DOP1B: variants seen among roughly 807,000 people sequenced by gnomAD.
DOP1B encodes the protein DOP1 leucine zipper like protein B, also known as protein DOP1B.
A neutral mutation model predicts 233.5 loss-of-function variants in DOP1B; 174 were observed. That is an observed-to-expected ratio of 0.75 (90% CI 0.66 to 0.85). The LOEUF is 0.85. DOP1B is among the 40% of genes least tolerant of loss of function. The pLI, the probability that DOP1B is intolerant of heterozygous loss-of-function variation, is 0.00. For missense variants in DOP1B, 2,652 were observed against 2,846.6 expected (o/e 0.93, Z 1.56); for synonymous variants, 1,190 against 1,185.6 (o/e 1.00, Z -0.08).
rs746670698 is a variant in DOP1B, at chr21:36,208,761, G to A, written c.538G>A (p.Val180Met). The change falls in exon 5 of 37, where the codon GTG becomes ATG. Residue 180 changes from valine (V) to methionine (M), a missense_variant. Transcript: ENST00000691173. The part of the protein sequence containing the change: ...LRLSLVVGKE[V>M]FYTALWGSVL... The stretch of plus-strand genomic sequence containing the variant: ...ACTGTCGCTGGTGGTTGGCAAAGAG[G>A]TGTTTTACACCGCCCTCTGGGGGAG... The A allele has an allele frequency of 2.5e-6, 4 of 1,613,542 alleles. No individual in the cohort carries two copies. The highest frequency in any genetic ancestry group is 2.7e-5 in the African/African-American group (2 of 74,904).
intron 24 of DOP1B, among the ~76,000 whole-genome samples, chr21:36,262,799 G>A (rs986567397): frequency 6.6e-6 from 1 of 152,032 alleles, no homozygotes; most frequent in Non-Finnish European, 1.5e-5. Context: ...GCTGAAGAAC[G>A]AGAATCGCTT....
chr21:36,166,880 C>T (rs915850562), intron 2 of DOP1B, among the ~76,000 whole-genome samples: 2 of 152,206 alleles, frequency 1.3e-5, no homozygotes, highest in African/African-American at 4.8e-5. Flanking sequence ...TGGTCTTTTG[C>T]AAGGTATATT....
intron 27 of DOP1B, among the ~76,000 whole-genome samples, chr21:36,271,365 C>T (rs2067287614): frequency 6.6e-6 from 1 of 151,608 alleles, no homozygotes. Flanking sequence ...CCTCCGCCTC[C>T]CTGGTTCAAG....
At chr21:36,254,175 A>T (rs1273074685) in intron 23 of DOP1B, among the ~76,000 whole-genome samples, 3 of 152,072 alleles carry the variant, frequency 2.0e-5, no homozygotes, top group Non-Finnish European at 2.9e-5. Flanking sequence ...TGCCTGGTAC[A>T]TGGGTTAGCG....
At chr21:36,239,713 T>C in intron 17 of DOP1B, 52 bp from the exon 18 acceptor site, 1 of 1,479,484 alleles carries the variant, frequency 6.8e-7, no homozygotes, top group African/African-American at 1.4e-5. Flanking sequence ...CCACGGTGCC[T>C]GGCGCACAGG....
intron 18 of DOP1B, among the ~76,000 whole-genome samples, chr21:36,241,947 C>G (rs908160320): frequency 6.6e-6 from 1 of 151,648 alleles, no homozygotes; most frequent in Non-Finnish European, 1.5e-5. Flanking sequence ...CCTCTAACCT[C>G]TGGTTTTCCT....
chr21:36,231,199 G>C (rs1408664290), intron 14 of DOP1B, 65 bp downstream of exon 14: 3 of 1,511,828 alleles, frequency 2.0e-6, no homozygotes, highest in Non-Finnish European at 2.7e-6. Flanking sequence ...GACGTGGGTG[G>C]AATATCCCCT....
At chr21:36,269,779 T>C (rs2067266434) in intron 26 of DOP1B, among the ~76,000 whole-genome samples, 1 of 152,164 alleles carries the variant, frequency 6.6e-6, no homozygotes, top group Non-Finnish European at 1.5e-5. Flanking sequence ...TGCCTCAGCC[T>C]CAGCCTCCCA....
chr21:36,245,379 C>A lies in DOP1B; in HGVS notation c.3399C>A (p.His1133Gln), dbSNP rs374834380. 6.8e-6 allele frequency: 11 copies of A among 1,614,116 alleles called. No homozygotes were observed. In the Admixed American group the frequency reaches 1.8e-4, roughly 27 times the overall value. The change falls in exon 19 of 37, where the codon CAC becomes CAA. Residue 1133 changes from histidine (H) to glutamine (Q), a missense_variant. This residue lies in a region of DOP1B where 2,617 missense variants were observed against 2,794.3 expected (regional missense o/e 0.94). Coordinates refer to ENST00000691173, the MANE Select transcript of DOP1B (RefSeq NM_001320714.2). This position sits in a 1 kb window ranked among gnomAD's most constrained non-coding sequence, Gnocchi z 5.5. ...CGTCCTCCTTCTCCTCCCCTTCCCA[C>A]GACCTGCAGGAGCTGAGCAACGAAG... ...ENTSSFSSPS[H>Q]DLQELSNEEN... is the part of the protein sequence containing the mutation.
intron 17 of DOP1B, among the ~76,000 whole-genome samples, chr21:36,239,304 A>G (rs2066864780): frequency 6.6e-6 from 1 of 152,176 alleles, no homozygotes; most frequent in Admixed American, 6.5e-5. Context: ...GGGACTTTGC[A>G]GGGAGGTCAG....
At chr21:36,227,346 G>T (rs1351623376) in intron 12 of DOP1B, among the ~76,000 whole-genome samples, 1 of 151,824 alleles carries the variant, frequency 6.6e-6, no homozygotes, top group African/African-American at 2.4e-5. Flanking sequence ...AGGAGATCGA[G>T]ACCATCCTGG....
At chr21:36,270,190 T>TG (rs1191866350) in intron 27 of DOP1B, 33 bp downstream of exon 27, 1 of 1,608,132 alleles carries the variant, frequency 6.2e-7, no homozygotes, top group South Asian at 1.1e-5. Context: ...ATAGTGCCTC[T>TG]GGTCAGCGCG....
intron 27 of DOP1B, among the ~76,000 whole-genome samples, chr21:36,272,984 C>CAAAAA (rs1167312513): frequency 1.2e-4 from 7 of 56,924 alleles, no homozygotes; most frequent in East Asian, 1.4e-3. Flanking sequence ...AACTCCATCT[C>CAAAAA]AAAAAAAAAA....
intron 2 of DOP1B, among the ~76,000 whole-genome samples, chr21:36,182,973 A>G (rs1333639564): frequency 2.6e-5 from 4 of 152,190 alleles, no homozygotes; most frequent in Non-Finnish European, 5.9e-5. Context: ...ATGCTGTGGC[A>G]TGGCAGACAT....
rs2067510964 is a variant in DOP1B at position 36,288,115 on chromosome 21, T to C, written c.6262T>C (p.Leu2088=). ...GCTGCTAAGAATATCTCCTCAACAT[T>C]TGACTTCATTGTGGCCAATAATGGT... The part of the protein sequence containing the change: ...VLLLRISPQH[L]TSLWPIMVSE... Residue 2088 remains leucine, a synonymous_variant, in exon 33 of 37, where the codon TTG becomes CTG. Transcript: ENST00000691173. The C allele has an allele frequency of 6.2e-7, 1 of 1,614,092 alleles. No homozygotes were observed. The highest frequency in any genetic ancestry group is 1.3e-5 in the African/African-American group (1 of 75,062).
At chr21:36,240,446 C>T (rs1231424121) in intron 18 of DOP1B, among the ~76,000 whole-genome samples, 1 of 152,196 alleles carries the variant, frequency 6.6e-6, no homozygotes, top group Non-Finnish European at 1.5e-5. Flanking sequence ...TGCCACTGCA[C>T]TCCAGCCTGG....
chr21:36,191,051 A>T (rs1241532077), intron 2 of DOP1B, among the ~76,000 whole-genome samples: 1 of 152,140 alleles, frequency 6.6e-6, no homozygotes, highest in Non-Finnish European at 1.5e-5. Context: ...TTCTCCTCCT[A>T]GATGAGAGTT....
chr21:36,234,493 A>T (rs1348217762), intron 15 of DOP1B, among the ~76,000 whole-genome samples: 1 of 151,200 alleles, frequency 6.6e-6, no homozygotes, highest in African/African-American at 2.4e-5. Flanking sequence ...TTTTACTTTC[A>T]TTTTCATGTA....
At position 36,176,097 on chromosome 21, in the gene DOP1B, C is replaced by CGTGTGT. The variant is rs1555886143; in HGVS notation, c.138+11246_138+11251dup. On this transcript the variant is annotated intron_variant, in intron 2 of 36. Coordinates refer to ENST00000691173, the MANE Select transcript of DOP1B (RefSeq NM_001320714.2). ...GAGCTTCGACTTTGGGGTGTGTGTG[C>CGTGTGT]GTGTGTGTGTGTGTGTGTGTGTGTG... 2.0e-3 allele frequency among the ~76,000 whole-genome samples: 278 copies of CGTGTGT among 141,836 alleles called. 1 individual carries two copies. Among genetic ancestry groups the CGTGTGT allele is most frequent in the African/African-American group, 6.4e-3 (249 of 38,882 alleles). 93.0% of individuals were successfully genotyped at this position (141,836 alleles called of 152,430 possible). A position where few individuals can be genotyped will look rare whatever the true frequency, so the allele number is the denominator to read the frequency against.
Sources: gnomAD v4.1 joint callset for allele counts (sites outside exome capture counted in the v4.1 genomes callset) on GRCh38, gnomAD v4.1.1 for gene constraint, gnomAD v4.1.1 regional missense constraint, Gnocchi (gnomAD v3.1) non-coding constraint, MANE v1.5 for transcripts, NCBI Gene and HGNC (gene_info 2026-07-23, HGNC 2026-07-21) for gene names.